The following TES variants were observed in gnomAD, a reference collection of about 807,000 sequenced individuals.
TES encodes the protein testin LIM domain protein, also known as testin.
In TES, 41 loss-of-function variants were observed where a neutral mutation model predicts 48.2. The observed-to-expected ratio is 0.85, with a 90% CI of 0.66 to 1.10. The LOEUF (loss-of-function observed/expected upper bound fraction) is 1.10, where lower values mean the gene tolerates loss of function less well. Ranked by LOEUF, TES falls within the 50% of genes least tolerant of loss-of-function variation. The probability of loss-of-function intolerance (pLI) is 0.00; values close to 1 mark genes in which losing one functional copy is unlikely to be tolerated. For missense variants in TES, 463 were observed against 515.1 expected (o/e 0.90, Z 0.98); for synonymous variants, 162 against 174.9 (o/e 0.93, Z 0.58).
chr7:116,231,045 A>T (rs908300062), intron 1 of TES, among the ~76,000 whole-genome samples: 1 of 151,998 alleles, frequency 6.6e-6, no homozygotes, highest in Admixed American at 6.6e-5. Context: ...TTAGCTAGTG[A>T]CTCTTTGGAA....
Position 116,249,632 on chromosome 7 carries a change from A to C in TES, c.366+360A>C, listed in dbSNP as rs969532106. 4 of 193,042 alleles carry C rather than the reference A, an allele frequency of 2.1e-5. No individual in the cohort carries two copies. In the East Asian group the frequency reaches 5.1e-4, roughly 25 times the overall value. 12.0% of individuals were successfully genotyped at this position (193,042 alleles called of 1,614,324 possible). ...TTTGTCATAGTTTAGAACTGAAAAA[A>C]ATATTCAACATTATCTTTGTGTTTT... is the stretch of plus-strand genomic sequence containing the variant. On this transcript the variant is annotated intron_variant, in intron 3 of 6. Coordinates refer to ENST00000358204, the MANE Select transcript of TES (RefSeq NM_015641.4).
chr7:116,237,631 C>T (rs1470628508), intron 2 of TES, among the ~76,000 whole-genome samples: 1 of 152,184 alleles, frequency 6.6e-6, no homozygotes, highest in African/African-American at 2.4e-5. Context: ...TCTGAGAAGT[C>T]TTCCCTGCCC....
intron 2 of TES, among the ~76,000 whole-genome samples, chr7:116,235,863 A>G (rs1017969753): frequency 6.6e-6 from 1 of 152,222 alleles, no homozygotes; most frequent in Non-Finnish European, 1.5e-5. Context: ...AATTTTAGAC[A>G]TTAATCTCTT....
chr7:116,224,186 C>G (rs1196165901), intron 1 of TES, among the ~76,000 whole-genome samples: 1 of 152,144 alleles, frequency 6.6e-6, no homozygotes, highest in African/African-American at 2.4e-5. Flanking sequence ...TCCTTGCAGC[C>G]CAGCTGACCC....
At chr7:116,251,556 G>A (rs1316066945) in intron 4 of TES, 12 of 528,856 alleles carry the variant, frequency 2.3e-5, no homozygotes, top group South Asian at 8.3e-5. Flanking sequence ...GGTGGCAGGC[G>A]CCTGTAGTCC....
chr7:116,250,078 G>A, intron 3 of TES, 83 bp from the exon 4 acceptor site: 6 of 1,214,848 alleles, frequency 4.9e-6, no homozygotes, highest in Non-Finnish European at 6.6e-6. Context: ...TCTTTCTTAA[G>A]TAACTTGCTT....
At chr7:116,238,522 G>C (rs1799802145) in intron 2 of TES, among the ~76,000 whole-genome samples, 1 of 151,864 alleles carries the variant, frequency 6.6e-6, no homozygotes, top group South Asian at 2.1e-4. Context: ...ATTTTCTACT[G>C]CTGCATAACA....
chr7:116,244,126 A>G (rs191496626), intron 2 of TES, among the ~76,000 whole-genome samples: 3 of 152,246 alleles, frequency 2.0e-5, no homozygotes, highest in Non-Finnish European at 2.9e-5. Flanking sequence ...CAGCCAAACC[A>G]TATCATTCTG....
intron 1 of TES, among the ~76,000 whole-genome samples, chr7:116,227,278 G>A (rs1217989392): frequency 6.6e-6 from 1 of 151,210 alleles, no homozygotes; most frequent in African/African-American, 2.4e-5. Flanking sequence ...CACCGCGCCC[G>A]GCTATTTTTT....
intron 1 of TES, among the ~76,000 whole-genome samples, chr7:116,213,255 T>G (rs926654757): frequency 2.2e-4 from 33 of 152,222 alleles, no homozygotes; most frequent in African/African-American, 8.0e-4. Flanking sequence ...TCTCCTTTCT[T>G]TTTGACTCAG....
intron 1 of TES, chr7:116,217,745 G>A: frequency 1.9e-6 from 1 of 514,566 alleles, no homozygotes; most frequent in Admixed American, 2.0e-5. Context: ...TTTAAAATTT[G>A]CCTCAAGCAC....
At chr7:116,237,754 T>A (rs541717331) in intron 2 of TES, among the ~76,000 whole-genome samples, 3 of 152,274 alleles carry the variant, frequency 2.0e-5, no homozygotes, top group Admixed American at 6.5e-5. Context: ...GGTGCCAACA[T>A]GGTTGAGTTC....
intron 2 of TES, among the ~76,000 whole-genome samples, chr7:116,237,714 C>T (rs1205365459): frequency 6.6e-6 from 1 of 152,098 alleles, no homozygotes; most frequent in Non-Finnish European, 1.5e-5. Context: ...TACTTTCTTC[C>T]AGTTCTAGAG....
chr7:116,210,998 G>C (rs1799430906), intron 1 of TES: 1 of 319,330 alleles, frequency 3.1e-6, no homozygotes, highest in Non-Finnish European at 5.7e-6. Flanking sequence ...CAGTCTCACG[G>C]AATCCCAGTG....
chr7:116,246,024 C>T (rs1376969267), intron 2 of TES, among the ~76,000 whole-genome samples: 4 of 151,998 alleles, frequency 2.6e-5, no homozygotes, highest in Middle Eastern at 3.4e-3. Flanking sequence ...ATCTCTCCCA[C>T]AACACATGGG....
chr7:116,249,269 AT>A lies in TES; in HGVS notation c.365del (p.Leu122TrpfsTer16). ...EWAPPVQNQA[L>X]ARQYMQMLPK... ...GGGCTCCTCCTGTCCAGAATCAAGC[AT>A]TGGTAAATGATATGGAACAGAGAGT... On this transcript the variant is annotated frameshift_variant and splice_region_variant, in exon 3 of 7. Transcript: ENST00000358204. LOFTEE classifies it high-confidence loss of function. 6.2e-7 allele frequency: 1 copy of A among 1,613,944 alleles called. No individual in the cohort carries two copies. The highest frequency in any genetic ancestry group is 8.5e-7 in the Non-Finnish European group (1 of 1,179,940).
chr7:116,220,234 G>A (rs917222928), intron 1 of TES, among the ~76,000 whole-genome samples: 50 of 152,168 alleles, frequency 3.3e-4, no homozygotes, highest in African/African-American at 1.2e-3. Context: ...GGTAAAAAGA[G>A]GCAAGACAGA....
At position 116,246,275 on chromosome 7, in the gene TES, G is replaced by T. The variant is rs1799922171; in HGVS notation, c.114-2745G>T. On this transcript the variant is annotated intron_variant, in intron 2 of 6. Transcript: ENST00000358204. ...ACCCTCCAAGATGTAAATTCCATTT[G>T]TGAAGTAGTGGCAGCATCCTGTTAT... Among the ~76,000 whole-genome samples, 3 of 152,214 alleles carry T rather than the reference G, an allele frequency of 2.0e-5. No individual in the cohort carries two copies. In the South Asian group the frequency reaches 6.2e-4, roughly 31 times the overall value.
chr7:116,251,485 ATCCTGGC>A (rs1746389956), intron 4 of TES: 1 of 356,280 alleles, frequency 2.8e-6, no homozygotes. Flanking sequence ...GATTGAGACC[ATCCTGGC>A]TAACACGGTG....
Sources: gnomAD v4.1 joint callset for allele counts (sites outside exome capture counted in the v4.1 genomes callset) on GRCh38, gnomAD v4.1.1 for gene constraint, MANE v1.5 for transcripts, NCBI Gene and HGNC (gene_info 2026-07-23, HGNC 2026-07-21) for gene names.